The following RAPGEF2 variants were observed in gnomAD, a reference collection of about 807,000 sequenced individuals.
RAPGEF2 encodes the protein Rap guanine nucleotide exchange factor 2, also known as PDZ domain containing guanine nucleotide exchange factor (GEF) 1.
In RAPGEF2, 54 loss-of-function variants were observed where a neutral mutation model predicts 186.7. The ratio of observed to expected loss-of-function variants is 0.29; its 90% CI spans 0.23 to 0.36. The LOEUF (loss-of-function observed/expected upper bound fraction) is 0.36. Ranked by LOEUF, RAPGEF2 falls within the 10% of genes least tolerant of loss-of-function variation. The pLI, the probability that RAPGEF2 is intolerant of heterozygous loss-of-function variation, is 1.00. For synonymous variants in RAPGEF2, 712 were observed against 705.9 expected, an observed-to-expected ratio of 1.01 and a Z score of -0.14; for missense variants, 1,532 against 2,045.0, an observed-to-expected ratio of 0.75 and a Z score of 4.84.
chr4:159,309,374 A>T (rs1001443029), intron 8 of RAPGEF2, among the ~76,000 whole-genome samples: 1 of 152,202 alleles, frequency 6.6e-6, no homozygotes, highest in African/African-American at 2.4e-5. Flanking sequence ...TGACACCTTC[A>T]AGAAGGCAGG....
At chr4:159,260,264 G>A (rs1756659039) in intron 7 of RAPGEF2, among the ~76,000 whole-genome samples, 1 of 151,764 alleles carries the variant, frequency 6.6e-6, no homozygotes, top group African/African-American at 2.4e-5. Context: ...ACATGTGTGA[G>A]CCACTGCACC....
intron 7 of RAPGEF2, chr4:159,268,178 C>A (rs2110788998): frequency 6.2e-7 from 1 of 1,612,576 alleles, no homozygotes; most frequent in East Asian, 2.2e-5. Context: ...GCAATCCCAG[C>A]TAACCATGGA....
chr4:159,337,889 CAAAAAAAAAA>C (rs553291521), intron 17 of RAPGEF2, among the ~76,000 whole-genome samples: 2 of 32,584 alleles, frequency 6.1e-5, no homozygotes, highest in African/African-American at 1.3e-4. Flanking sequence ...GACTCCATCT[CAAAAAAAAAA>C]AAAAAAAAAA....
chr4:159,325,912 A>T (rs551159797), intron 11 of RAPGEF2, among the ~76,000 whole-genome samples: 3 of 152,274 alleles, frequency 2.0e-5, no homozygotes, highest in South Asian at 4.2e-4. Flanking sequence ...GAAGAGTCCA[A>T]TTCAAAAGAA....
chr4:159,199,839 G>C (rs1749214810), intron 3 of RAPGEF2, among the ~76,000 whole-genome samples: 1 of 152,098 alleles, frequency 6.6e-6, no homozygotes, highest in Non-Finnish European at 1.5e-5. Flanking sequence ...TGAGACCCAG[G>C]TGACTCCAGG....
chr4:159,292,240 C>G (rs1026169065), intron 7 of RAPGEF2, among the ~76,000 whole-genome samples: 4 of 152,162 alleles, frequency 2.6e-5, no homozygotes, highest in African/African-American at 7.2e-5. Flanking sequence ...CCCAATCCCT[C>G]TCCTTGTCAG....
chr4:159,119,933 CTGATA>C (rs1739474304), intron 1 of RAPGEF2, among the ~76,000 whole-genome samples: 1 of 152,144 alleles, frequency 6.6e-6, no homozygotes, highest in African/African-American at 2.4e-5. Flanking sequence ...ATTGTATGTA[CTGATA>C]TGTCTACTTG....
At chr4:159,232,503 T>C (rs901000430) in intron 4 of RAPGEF2, among the ~76,000 whole-genome samples, 1 of 152,240 alleles carries the variant, frequency 6.6e-6, no homozygotes, top group Non-Finnish European at 1.5e-5. Flanking sequence ...TGTGTGTGTA[T>C]GCCACAGCTT....
rs76119891 is a variant in RAPGEF2 at position 159,246,860 on chromosome 4, G to A, written c.543+3069G>A. ...GTTTTGGGTAATACATCAATAACTTGTATAGCTAGTAAATTTCCTAGAATA... is the reference window on the plus strand; with the variant it reads ...GTTTTGGGTAATACATCAATAACTTATATAGCTAGTAAATTTCCTAGAATA... On this transcript the variant is annotated intron_variant, in intron 7 of 29. Transcript: ENST00000691494. Among the ~76,000 whole-genome samples the A allele has an allele frequency of 2.7e-4, 41 of 152,164 alleles. No individual in the cohort carries two copies. The East Asian group carries it at 3.7e-3, about 14-fold the overall frequency.
chr4:159,122,038 C>CAAAAAAAAAAAAAAAAAA, intron 1 of RAPGEF2, among the ~76,000 whole-genome samples: 1 of 51,440 alleles, frequency 1.9e-5, no homozygotes, highest in Non-Finnish European at 3.5e-5. Context: ...GACTCCATCT[C>CAAAAAAAAAAAAAAAAAA]AAAAAAAAAA....
intron 1 of RAPGEF2, among the ~76,000 whole-genome samples, chr4:159,150,647 G>C (rs1463263549): frequency 6.6e-6 from 1 of 152,212 alleles, no homozygotes; most frequent in Non-Finnish European, 1.5e-5. Flanking sequence ...CTCAGCCCCA[G>C]CTGGAAATGT....
chr4:159,280,189 T>C (rs1452805528), intron 7 of RAPGEF2, among the ~76,000 whole-genome samples: 1 of 152,208 alleles, frequency 6.6e-6, no homozygotes, highest in African/African-American at 2.4e-5. Flanking sequence ...AAGTAATTTA[T>C]AGGGAGCTAA....
In RAPGEF2 at chr4:159,337,889, C is replaced by CAAAAAA. The variant is rs553291521; in HGVS notation, c.2136-403_2136-398dup. Among the ~76,000 whole-genome samples the CAAAAAA allele has an allele frequency of 4.8e-3, 157 of 32,540 alleles. 7 individuals carry two copies. The highest frequency in any genetic ancestry group is 0.027 in the South Asian group (14 of 514). The allele number at this position is 32,540 out of a possible 152,430, so 21.3% of individuals were successfully genotyped here. ...TGGGTGACAGAGTGAGACTCCATCT[C>CAAAAAA]AAAAAAAAAAAAAAAAAAAAAAAAG... is the stretch of plus-strand genomic sequence containing the variant. On this transcript the variant is annotated intron_variant, in intron 17 of 29. Coordinates refer to ENST00000691494, the MANE Select transcript of RAPGEF2 (RefSeq NM_001394067.2).
intron 11 of RAPGEF2, chr4:159,327,516 A>AT (rs1185925792): frequency 6.6e-6 from 1 of 152,182 alleles, no homozygotes; most frequent in Admixed American, 6.6e-5. Context: ...TTACCTGGGC[A>AT]TGGTGGTGCG....
Position 159,343,528 on chromosome 4 carries a change from A to T in RAPGEF2, c.3254+124A>T, listed in dbSNP as rs968750504. On this transcript the variant is annotated intron_variant, in intron 22 of 29. Coordinates refer to ENST00000691494, the MANE Select transcript of RAPGEF2 (RefSeq NM_001394067.2). ...GTAGTACGGCAGAAATTATAGTAGG[A>T]TGTGCTGAGAATCACCTGTGAGCTC... 24 of 1,260,070 alleles carry T rather than the reference A, an allele frequency of 1.9e-5. 1 individual carries two copies. In the East Asian group the frequency reaches 4.4e-4, roughly 23 times the overall value. 78.1% of individuals were successfully genotyped at this position (1,260,070 alleles called of 1,614,324 possible).
At chr4:159,240,146 T>C (rs1753787125) in intron 5 of RAPGEF2, among the ~76,000 whole-genome samples, 1 of 152,256 alleles carries the variant, frequency 6.6e-6, no homozygotes, top group Non-Finnish European at 1.5e-5. Context: ...ATGCTACTTT[T>C]AGATTTCTCT....
At chr4:159,329,397 A>T (rs947051162) in intron 11 of RAPGEF2, 1 of 152,306 alleles carries the variant, frequency 6.6e-6, no homozygotes, top group Non-Finnish European at 1.5e-5. Flanking sequence ...TAGCAAATTA[A>T]TATATCTACT....
At position 159,103,608 on chromosome 4, in the gene RAPGEF2, C is replaced by A; in HGVS notation, c.-555C>A. The A allele has an allele frequency of 6.5e-6, 1 of 153,032 alleles. No homozygotes were observed. The highest frequency in any genetic ancestry group is 1.9e-4 in the South Asian group (1 of 5,170). 9.5% of individuals were successfully genotyped at this position (153,032 alleles called of 1,614,324 possible). On this transcript the variant is annotated 5_prime_UTR_variant, in exon 1 of 30. Transcript: ENST00000691494. Reference sequence around the variant, plus strand: ...CCTCCCGACCGGCGGCCGAGGCGCCCGAGGACTGGGGACGCGGAAGATCCA... The same window carrying A: ...CCTCCCGACCGGCGGCCGAGGCGCCAGAGGACTGGGGACGCGGAAGATCCA...
intron 7 of RAPGEF2, among the ~76,000 whole-genome samples, chr4:159,247,139 T>C (rs1005721108): frequency 1.3e-5 from 2 of 152,216 alleles, no homozygotes; most frequent in African/African-American, 4.8e-5. Context: ...GGATGGAGTT[T>C]CAGGAAATTT....
Sources: allele counts gnomAD v4.1 joint callset (sites outside exome capture counted in the v4.1 genomes callset), GRCh38; gene constraint gnomAD v4.1.1; transcripts MANE v1.5; gene names NCBI Gene and HGNC (gene_info 2026-07-23, HGNC 2026-07-21).